The following ANKRD30B variants were observed in gnomAD, a reference collection of about 807,000 sequenced individuals.
ANKRD30B encodes ankyrin repeat domain-containing protein 30B.
In ANKRD30B, 144 loss-of-function variants were observed where a neutral mutation model predicts 202.2. The ratio of observed to expected loss-of-function variants is 0.71; its 90% CI spans 0.62 to 0.82. The LOEUF (loss-of-function observed/expected upper bound fraction) is 0.82, where lower values mean the gene tolerates loss of function less well. ANKRD30B is among the 40% of genes least tolerant of loss of function. The pLI, the probability that ANKRD30B is intolerant of heterozygous loss-of-function variation, is 0.00. For synonymous variants in ANKRD30B, 508 were observed against 561.3 expected, an observed-to-expected ratio of 0.91 and a Z score of 1.34; for missense variants, 1,487 against 1,669.1, an observed-to-expected ratio of 0.89 and a Z score of 1.90.
At chr18:14,877,308 G>GATGA in the ANKRD30B span, among the ~76,000 whole-genome samples, 93 of 111,454 alleles carry the variant, frequency 8.3e-4, 1 homozygote, top group African/African-American at 3.0e-3. Flanking sequence ...CTCAATAAAT[G>GATGA]ATGAATGAAT....
At chr18:14,837,335 A>G (rs71350523) in intron 35 of ANKRD30B, 46 bp downstream of exon 35, 4 of 1,443,514 alleles carry the variant, frequency 2.8e-6, no homozygotes, top group Non-Finnish European at 3.8e-6. Flanking sequence ...GAAATGGTAA[A>G]TTAGTGAATA....
chr18:14,829,860 G>T (rs1970826142), intron 33 of ANKRD30B, among the ~76,000 whole-genome samples: 1 of 152,200 alleles, frequency 6.6e-6, no homozygotes, highest in African/African-American at 2.4e-5. Context: ...CCCCTTCAGT[G>T]CTAGGGGATT....
In ANKRD30B at chr18:14,835,706, G is replaced by A. The variant is rs553010543; in HGVS notation, c.2848-1505G>A. On this transcript the variant is annotated intron_variant, in intron 34 of 43. Transcript: ENST00000690538. ...ATTTTAAACTACCATCCTATATGGT[G>A]TAAATAGGCAATTTGAGCTAGTATT... Among the ~76,000 whole-genome samples the A allele has an allele frequency of 1.8e-4, 28 of 151,802 alleles. 2 individuals are homozygous for A. In the South Asian group the frequency reaches 5.6e-3, roughly 31 times the overall value.
chr18:14,938,091 C>T, the ANKRD30B span, among the ~76,000 whole-genome samples: 3 of 152,178 alleles, frequency 2.0e-5, no homozygotes, highest in Admixed American at 6.5e-5. Flanking sequence ...CTTCTGCCTT[C>T]ACTCCTCTCC....
the ANKRD30B span, among the ~76,000 whole-genome samples, chr18:14,871,521 G>T: frequency 6.6e-6 from 1 of 151,358 alleles, no homozygotes; most frequent in Non-Finnish European, 1.5e-5. Flanking sequence ...GGACTGTTGG[G>T]AAGTCCATGG....
At chr18:14,918,969 A>G in the ANKRD30B span, among the ~76,000 whole-genome samples, 73 of 152,178 alleles carry the variant, frequency 4.8e-4, no homozygotes, top group Non-Finnish European at 8.2e-4. Flanking sequence ...AGCTTCTGCC[A>G]TGTGATGACA....
At chr18:14,855,704 C>T (rs576679385), downstream of ANKRD30B, among the ~76,000 whole-genome samples, 130 of 138,630 alleles carry the variant, frequency 9.4e-4, no homozygotes, top group African/African-American at 3.0e-3. Context: ...ACCTCCCAGA[C>T]GGGGCGGCTG....
the ANKRD30B span, among the ~76,000 whole-genome samples, chr18:14,899,437 C>T: frequency 1.8e-4 from 28 of 151,980 alleles, no homozygotes; most frequent in South Asian, 4.1e-4. Flanking sequence ...AAAATTCTTT[C>T]TATGCTTTAA....
intron 4 of ANKRD30B, among the ~76,000 whole-genome samples, chr18:14,756,719 C>T (rs1320926414): frequency 6.6e-6 from 1 of 152,154 alleles, no homozygotes; most frequent in Non-Finnish European, 1.5e-5. Flanking sequence ...TATGGTAAAA[C>T]CGCATCTCTA....
chr18:14,818,615 G>T (rs1344012918), intron 30 of ANKRD30B, among the ~76,000 whole-genome samples: 1 of 148,762 alleles, frequency 6.7e-6, no homozygotes, highest in Non-Finnish European at 1.5e-5. Context: ...TGCGGTGTTT[G>T]GTTTCTTGTT....
At chr18:14,766,493 AAAAAGAAAAG>A (rs1209587925) in intron 7 of ANKRD30B, among the ~76,000 whole-genome samples, 3 of 85,002 alleles carry the variant, frequency 3.5e-5, no homozygotes, top group Admixed American at 1.4e-4. Context: ...AAAAAAAAAA[AAAAAGAAAAG>A]AAAAGAAAAG....
At chr18:14,929,360 A>C in the ANKRD30B span, among the ~76,000 whole-genome samples, 1 of 152,132 alleles carries the variant, frequency 6.6e-6, no homozygotes, top group Non-Finnish European at 1.5e-5. Context: ...AGTAATGTCC[A>C]TCCTCCTGTA....
At chr18:14,782,067 T>G (rs1383467315) in intron 11 of ANKRD30B, among the ~76,000 whole-genome samples, 2 of 152,206 alleles carry the variant, frequency 1.3e-5, no homozygotes, top group Non-Finnish European at 2.9e-5. Context: ...TTATGCAAAC[T>G]TCTCGGCCTT....
At chr18:14,899,892 C>G in the ANKRD30B span, among the ~76,000 whole-genome samples, 6 of 152,040 alleles carry the variant, frequency 3.9e-5, no homozygotes, top group African/African-American at 1.4e-4. Context: ...AATGAATGAA[C>G]TTATTTACAT....
rs151292588 is a variant in ANKRD30B, at chr18:14,793,843, G to A, written c.1825+2352G>A. Reference sequence around the variant, plus strand: ...CGGGAGGTGGAGCTTGTATTCTGCCGAGATCTCAACACTGCACTCCAGCCT... The same window carrying A: ...CGGGAGGTGGAGCTTGTATTCTGCCAAGATCTCAACACTGCACTCCAGCCT... On this transcript the variant is annotated intron_variant, in intron 16 of 43. Transcript: ENST00000690538. 2.6e-3 allele frequency among the ~76,000 whole-genome samples: 394 copies of A among 151,516 alleles called. 7 individuals are homozygous for A. The East Asian group carries it at 0.043, about 16-fold the overall frequency.
At chr18:14,779,933 G>A (rs754075844) in intron 10 of ANKRD30B, 27 bp from the exon 11 acceptor site, 35 of 1,479,288 alleles carry the variant, frequency 2.4e-5, no homozygotes, top group Middle Eastern at 1.7e-4. Context: ...ATGCTCTCAT[G>A]AATGTATCTG....
intron 37 of ANKRD30B, among the ~76,000 whole-genome samples, chr18:14,841,258 C>T (rs1169885115): frequency 3.9e-5 from 6 of 152,136 alleles, no homozygotes; most frequent in African/African-American, 7.2e-5. Flanking sequence ...TCAGTATAGA[C>T]GAGAAGTTTT....
chr18:14,834,697 A>G (rs1336463844), intron 34 of ANKRD30B, among the ~76,000 whole-genome samples: 2 of 151,958 alleles, frequency 1.3e-5, no homozygotes, highest in Admixed American at 6.6e-5. Context: ...TTTCTAGCAT[A>G]AAGGAAAGAT....
At chr18:14,866,046 G>A in the ANKRD30B span, among the ~76,000 whole-genome samples, 1 of 152,118 alleles carries the variant, frequency 6.6e-6, no homozygotes, top group South Asian at 2.1e-4. Context: ...AAAGTCTTAG[G>A]ACAACCAATC....
Sources: allele counts gnomAD v4.1 joint callset (sites outside exome capture counted in the v4.1 genomes callset), GRCh38; gene constraint gnomAD v4.1.1; transcripts MANE v1.5; gene names NCBI Gene and HGNC (gene_info 2026-07-23, HGNC 2026-07-21).